GRIN2A: variants seen among roughly 807,000 people sequenced by gnomAD.
The protein encoded by GRIN2A is glutamate receptor ionotropic, NMDA 2A.
Under a neutral mutation model 113.4 loss-of-function variants are expected in GRIN2A, and 22 were observed. That is an observed-to-expected ratio of 0.19 (90% CI 0.14 to 0.28). The LOEUF is 0.28. Among genes scored for constraint, GRIN2A ranks in the 10% least tolerant of loss-of-function variants. The pLI, the probability that GRIN2A is intolerant of heterozygous loss-of-function variation, is 1.00. For synonymous variants in GRIN2A, 827 were observed against 738.4 expected (o/e 1.12, Z -1.94); for missense variants, 1,502 against 1,887.0 (o/e 0.80, Z 3.78).
At chr16:9,952,395 C>T (rs2045205684) in intron 2 of GRIN2A, among the ~76,000 whole-genome samples, 1 of 151,992 alleles carries the variant, frequency 6.6e-6, no homozygotes, top group African/African-American at 2.4e-5. Flanking sequence ...TGTGCAGAGA[C>T]ACACAGAATG....
chr16:9,813,580 G>GC (rs1163423079), intron 10 of GRIN2A, among the ~76,000 whole-genome samples: 3 of 118,130 alleles, frequency 2.5e-5, no homozygotes, highest in East Asian at 2.4e-4. Context: ...TTTAACTCCT[G>GC]CCCCCCACAG....
At chr16:9,796,819 TG>T (rs1452885286) in intron 11 of GRIN2A, among the ~76,000 whole-genome samples, 1 of 152,264 alleles carries the variant, frequency 6.6e-6, no homozygotes, top group African/African-American at 2.4e-5. Context: ...GGAAAATAAA[TG>T]CTTACTGTTG....
At chr16:9,887,456 A>G (rs141725004) in intron 4 of GRIN2A, among the ~76,000 whole-genome samples, 2 of 152,308 alleles carry the variant, frequency 1.3e-5, no homozygotes, top group East Asian at 1.9e-4. Context: ...TTCACGTAAT[A>G]TAATCTTTCG....
chr16:10,040,775 G>A (rs1464677664), intron 2 of GRIN2A, among the ~76,000 whole-genome samples: 2 of 152,296 alleles, frequency 1.3e-5, no homozygotes, highest in South Asian at 2.1e-4. Flanking sequence ...ACGCAGCTGC[G>A]CTCCGACACT....
chr16:10,122,926 G>A (rs997371461), intron 2 of GRIN2A, among the ~76,000 whole-genome samples: 1 of 152,154 alleles, frequency 6.6e-6, no homozygotes, highest in African/African-American at 2.4e-5. Context: ...TATAAGCTGG[G>A]AAAGGTTAAA....
chr16:10,151,925 T>C (rs968540345), intron 2 of GRIN2A, among the ~76,000 whole-genome samples: 2 of 152,138 alleles, frequency 1.3e-5, no homozygotes, highest in African/African-American at 2.4e-5. Context: ...AGGTGAGATA[T>C]TCATTCAAAC....
rs191093419 is a variant in GRIN2A, at chr16:9,782,643, G to C, written c.2357-13554C>G. ...GGTTTGAGCAATTCACTGCTTGTCAGGCATGGGCCTGGCATGCTGACCTTG... is the reference window on the plus strand; with the variant it reads ...GGTTTGAGCAATTCACTGCTTGTCACGCATGGGCCTGGCATGCTGACCTTG... On this transcript the variant is annotated intron_variant, in intron 11 of 12. Coordinates refer to ENST00000330684, the MANE Select transcript of GRIN2A (RefSeq NM_001134407.3). 4.9e-4 allele frequency among the ~76,000 whole-genome samples: 74 copies of C among 152,304 alleles called. No homozygotes were observed. The East Asian group carries it at 0.011, about 22-fold the overall frequency.
intron 2 of GRIN2A, among the ~76,000 whole-genome samples, chr16:9,986,487 G>A (rs369344685): frequency 2.0e-5 from 3 of 152,040 alleles, no homozygotes; most frequent in Non-Finnish European, 2.9e-5. Context: ...AAAATGGGCC[G>A]AGTGCGGTGG....
chr16:10,135,130 C>T (rs571466715), intron 2 of GRIN2A, among the ~76,000 whole-genome samples: 2 of 152,300 alleles, frequency 1.3e-5, no homozygotes, highest in East Asian at 1.9e-4. Context: ...CAAGAAGAAA[C>T]CAGGCTGCCC....
chr16:10,039,808 G>GAGAGAGAGAGAGA lies in GRIN2A; in HGVS notation c.415-101258_415-101257insTCTCTCTCTCTCT, dbSNP rs373952509. ...AGGGGGAGGGGGAGGGGGAGGGGGGGGAGAAAGAGAGAGAGAGAGAGAGAG... is the reference window on the plus strand; with the variant it reads ...AGGGGGAGGGGGAGGGGGAGGGGGGGAGAGAGAGAGAGAGAGAAAGAGAGAGAGAGAGAGAGAG... On this transcript the variant is annotated intron_variant, in intron 2 of 12. Coordinates refer to ENST00000330684, the MANE Select transcript of GRIN2A (RefSeq NM_001134407.3). Among the ~76,000 whole-genome samples, 389 of 63,792 alleles carry GAGAGAGAGAGAGA rather than the reference G, an allele frequency of 6.1e-3. 25 individuals are homozygous for GAGAGAGAGAGAGA. The highest frequency in any genetic ancestry group is 0.019 in the African/African-American group (238 of 12,778). 41.9% of individuals were successfully genotyped at this position (63,792 alleles called of 152,430 possible).
rs550447278 is a variant in GRIN2A, at chr16:10,070,710, T to A, written c.414+109288A>T. ...CCCTTCTTCCCCCTCTACTCCTGTG[T>A]GGACCTCTGGGCTGCCTTTTTCAGG... On this transcript the variant is annotated intron_variant, in intron 2 of 12. Coordinates refer to ENST00000330684, the MANE Select transcript of GRIN2A (RefSeq NM_001134407.3). Among the ~76,000 whole-genome samples the A allele has an allele frequency of 3.3e-5, 5 of 152,334 alleles. No homozygotes were observed. In the East Asian group the frequency reaches 9.6e-4, roughly 29 times the overall value.
intron 2 of GRIN2A, among the ~76,000 whole-genome samples, chr16:10,030,867 C>T (rs1416287062): frequency 6.6e-6 from 1 of 152,130 alleles, no homozygotes; most frequent in African/African-American, 2.4e-5. Context: ...GTCAAAGTGC[C>T]CACATTCTAG....
At chr16:9,945,229 G>T (rs1263976370) in intron 2 of GRIN2A, among the ~76,000 whole-genome samples, 2 of 152,070 alleles carry the variant, frequency 1.3e-5, no homozygotes, top group East Asian at 3.9e-4. Context: ...GTTCAGGAGT[G>T]GGGTGGAGAG....
intron 3 of GRIN2A, among the ~76,000 whole-genome samples, chr16:9,914,905 CTTTTTTTTTTTTTTTT>C (rs869182389): frequency 3.0e-4 from 10 of 33,476 alleles, no homozygotes; most frequent in East Asian, 9.0e-4. Flanking sequence ...GATTATGCAG[CTTTTTTTTTTTTTTTT>C]TTTTTTTTTT....
intron 2 of GRIN2A, among the ~76,000 whole-genome samples, chr16:10,024,817 C>G (rs1049621878): frequency 6.6e-6 from 1 of 152,190 alleles, no homozygotes; most frequent in African/African-American, 2.4e-5. Context: ...CAAGTAAGAG[C>G]TGTTGGATGG....
intron 2 of GRIN2A, among the ~76,000 whole-genome samples, chr16:10,101,705 C>A (rs2048400517): frequency 6.6e-6 from 1 of 152,184 alleles, no homozygotes; most frequent in African/African-American, 2.4e-5. Context: ...GTCTACTTTA[C>A]CAATCCCTGC....
intron 12 of GRIN2A, among the ~76,000 whole-genome samples, chr16:9,766,158 G>A (rs1473078512): frequency 6.6e-6 from 1 of 152,158 alleles, no homozygotes; most frequent in East Asian, 1.9e-4. Context: ...TCTTCCCAAG[G>A]CTGACAGGGA....
At chr16:9,832,375 C>T (rs546779000) in intron 8 of GRIN2A, among the ~76,000 whole-genome samples, 111 of 152,222 alleles carry the variant, frequency 7.3e-4, no homozygotes, top group African/African-American at 2.3e-3. Flanking sequence ...CCCTTCAGGT[C>T]CTAGCTCAAT....
At chr16:10,123,916 A>G (rs1425609922) in intron 2 of GRIN2A, among the ~76,000 whole-genome samples, 2 of 152,190 alleles carry the variant, frequency 1.3e-5, no homozygotes, top group Admixed American at 1.3e-4. Flanking sequence ...ACAGAAAGCT[A>G]TATGTATAAA....
Sources: gnomAD v4.1 joint callset for allele counts (sites outside exome capture counted in the v4.1 genomes callset) on GRCh38, gnomAD v4.1.1 for gene constraint, MANE v1.5 for transcripts, NCBI Gene and HGNC (gene_info 2026-07-23, HGNC 2026-07-21) for gene names.